IL1RAPL2: variants seen among roughly 807,000 people sequenced by gnomAD.
The protein encoded by IL1RAPL2 is X-linked interleukin-1 receptor accessory protein-like 2.
Under a neutral mutation model 44.1 loss-of-function variants are expected in IL1RAPL2, and 3 were observed. That is an observed-to-expected ratio of 0.07 (90% CI 0.03 to 0.18). The LOEUF is 0.18. Among genes scored for constraint, IL1RAPL2 ranks in the 10% least tolerant of loss-of-function variants. The probability of loss-of-function intolerance (pLI) is 1.00; values close to 1 mark genes in which losing one functional copy is unlikely to be tolerated. For synonymous variants in IL1RAPL2, 181 were observed against 178.8 expected, an observed-to-expected ratio of 1.01 and a Z score of -0.10; for missense variants, 391 against 496.4, an observed-to-expected ratio of 0.79 and a Z score of 2.02.
At chrX:105,004,888 G>T (rs1486072831) in intron 2 of IL1RAPL2, among the ~76,000 whole-genome samples, 3 of 110,833 alleles carry the variant, frequency 2.7e-5, no homozygotes. Flanking sequence ...TCACACATTT[G>T]GTTCAAGGTT....
chrX:104,664,209 T>A (rs1325318152), intron 2 of IL1RAPL2, among the ~76,000 whole-genome samples: 1 of 111,370 alleles, frequency 9.0e-6, no homozygotes, highest in Non-Finnish European at 1.9e-5. Context: ...AACTCTGTAG[T>A]GGTCGTTCCG....
intron 1 of IL1RAPL2, among the ~76,000 whole-genome samples, chrX:104,601,887 G>C (rs1277455754): frequency 9.0e-6 from 1 of 111,480 alleles, no homozygotes; most frequent in Non-Finnish European, 1.9e-5. Flanking sequence ...TACATTATTG[G>C]GTAGATCCCT....
chrX:105,506,012 A>T (rs978324827), intron 6 of IL1RAPL2, among the ~76,000 whole-genome samples: 6 of 111,296 alleles, frequency 5.4e-5, no homozygotes, highest in African/African-American at 2.0e-4. Context: ...CGGACACTCT[A>T]TTGAGAGCTG....
chrX:105,328,527 G>A (rs2147692420), intron 5 of IL1RAPL2, among the ~76,000 whole-genome samples: 1 of 111,669 alleles, frequency 9.0e-6, no homozygotes, highest in African/African-American at 3.2e-5. Flanking sequence ...AATGGATGTA[G>A]TCATAGTAGT....
chrX:104,950,778 C>T (rs1464370190), intron 2 of IL1RAPL2, among the ~76,000 whole-genome samples: 2 of 110,188 alleles, frequency 1.8e-5, no homozygotes, highest in Non-Finnish European at 3.8e-5. Flanking sequence ...ACAATCTCGG[C>T]TCACTGCAGG....
chrX:105,081,477 C>T (rs188930649), intron 2 of IL1RAPL2, among the ~76,000 whole-genome samples: 4 of 111,596 alleles, frequency 3.6e-5, no homozygotes, highest in African/African-American at 1.3e-4. Flanking sequence ...GATTGATTTT[C>T]TGTTTCTTGC....
chrX:104,572,839 C>T (rs1244847071), intron 1 of IL1RAPL2, among the ~76,000 whole-genome samples: 4 of 111,991 alleles, frequency 3.6e-5, no homozygotes, highest in African/African-American at 1.3e-4. Flanking sequence ...TGGGCTCAAG[C>T]CATCTGCCTG....
intron 5 of IL1RAPL2, among the ~76,000 whole-genome samples, chrX:105,482,827 A>G (rs977385283): frequency 9.9e-5 from 11 of 111,008 alleles, no homozygotes; most frequent in Non-Finnish European, 1.9e-4. Flanking sequence ...GTGAATTATA[A>G]AGAAGTATAA....
At chrX:105,519,203 A>G (rs960832092) in intron 6 of IL1RAPL2, among the ~76,000 whole-genome samples, 2 of 111,854 alleles carry the variant, frequency 1.8e-5, no homozygotes, top group African/African-American at 6.5e-5. Context: ...ATATTCATGT[A>G]TGCATATATA....
At chrX:104,678,900 C>A (rs1416129584) in intron 2 of IL1RAPL2, among the ~76,000 whole-genome samples, 1 of 110,824 alleles carries the variant, frequency 9.0e-6, no homozygotes, top group Non-Finnish European at 1.9e-5. Flanking sequence ...TGCAGCAAAC[C>A]ACCATGGCAC....
intron 6 of IL1RAPL2, among the ~76,000 whole-genome samples, chrX:105,696,165 G>C (rs899149531): frequency 8.9e-6 from 1 of 112,447 alleles, no homozygotes; most frequent in Non-Finnish European, 1.9e-5. Context: ...AATCTAGGTA[G>C]AGACATTAAG....
intron 2 of IL1RAPL2, among the ~76,000 whole-genome samples, chrX:104,905,183 A>T (rs1349993542): frequency 9.0e-6 from 1 of 111,388 alleles, no homozygotes; most frequent in Non-Finnish European, 1.9e-5. Flanking sequence ...GTTGGAGTTC[A>T]TTGTAGATTC....
intron 5 of IL1RAPL2, among the ~76,000 whole-genome samples, chrX:105,339,601 C>T (rs1040494876): frequency 9.0e-6 from 1 of 110,863 alleles, no homozygotes; most frequent in Non-Finnish European, 1.9e-5. Context: ...TAATGTTATC[C>T]TTAGGAGGCC....
intron 2 of IL1RAPL2, among the ~76,000 whole-genome samples, chrX:104,667,554 T>G (rs1439624272): frequency 8.9e-6 from 1 of 111,792 alleles, no homozygotes; most frequent in Non-Finnish European, 1.9e-5. Context: ...AGTAGCTAAA[T>G]AATTTGACCA....
chrX:105,572,465 T>G (rs1376006797), intron 6 of IL1RAPL2, among the ~76,000 whole-genome samples: 1 of 112,083 alleles, frequency 8.9e-6, no homozygotes, highest in Admixed American at 9.5e-5. Flanking sequence ...GTGATGACTT[T>G]TATATATTAT....
At chrX:104,829,552 G>A (rs1421165264) in intron 2 of IL1RAPL2, among the ~76,000 whole-genome samples, 2 of 112,547 alleles carry the variant, frequency 1.8e-5, no homozygotes, top group Non-Finnish European at 3.8e-5. Context: ...ACTGAGAGCT[G>A]CAGCCAGAGC....
intron 4 of IL1RAPL2, among the ~76,000 whole-genome samples, chrX:105,237,807 G>A (rs2034135397): frequency 9.0e-6 from 1 of 111,492 alleles, no homozygotes; most frequent in Non-Finnish European, 1.9e-5. Flanking sequence ...GACTCTGATG[G>A]TGGTTTCTTT....
At chrX:104,840,414 C>T in intron 2 of IL1RAPL2, among the ~76,000 whole-genome samples, 1 of 111,904 alleles carries the variant, frequency 8.9e-6, no homozygotes, top group East Asian at 2.8e-4. Context: ...TTTGATTGCA[C>T]TGTGGTCTGA....
intron 2 of IL1RAPL2, among the ~76,000 whole-genome samples, chrX:104,802,130 A>C (rs1454689175): frequency 1.8e-5 from 2 of 110,788 alleles, no homozygotes; most frequent in Non-Finnish European, 3.8e-5. Context: ...GGATCACCTG[A>C]GGTCAGGAGT....
Sources: allele counts gnomAD v4.1 joint callset (sites outside exome capture counted in the v4.1 genomes callset), GRCh38; gene constraint gnomAD v4.1.1; transcripts MANE v1.5; gene names NCBI Gene and HGNC (gene_info 2026-07-23, HGNC 2026-07-21).